Variants in TCF4 observed in about 807,000 individuals in gnomAD.
The protein encoded by TCF4 is transcription factor 4, also known as SL3-3 enhancer factor 2.
In TCF4, 3 loss-of-function variants were observed where a neutral mutation model predicts 82.1. That is an observed-to-expected ratio of 0.04 (90% CI 0.02 to 0.09). The LOEUF (loss-of-function observed/expected upper bound fraction) is 0.09, where lower values mean the gene tolerates loss of function less well. Ranked by LOEUF, TCF4 falls within the 10% of genes least tolerant of loss-of-function variation. The pLI is 1.00. For synonymous variants in TCF4, 276 were observed against 309.6 expected, an observed-to-expected ratio of 0.89 and a Z score of 1.14; for missense variants, 518 against 852.7, an observed-to-expected ratio of 0.61 and a Z score of 4.89.
chr18:55,408,837 A>G (rs931874301), intron 5 of TCF4, among the ~76,000 whole-genome samples: 5 of 152,020 alleles, frequency 3.3e-5, no homozygotes, highest in Non-Finnish European at 4.4e-5. Flanking sequence ...AAAAAAAAGT[A>G]TAAATAAACT....
intron 8 of TCF4, among the ~76,000 whole-genome samples, chr18:55,305,788 T>G (rs1203802247): frequency 6.6e-6 from 1 of 152,198 alleles, no homozygotes; most frequent in Non-Finnish European, 1.5e-5. Flanking sequence ...CAATGTGTAT[T>G]TTTAATCAAG....
At chr18:55,533,175 T>A (rs1448860056) in intron 3 of TCF4, among the ~76,000 whole-genome samples, 1 of 152,152 alleles carries the variant, frequency 6.6e-6, no homozygotes, top group Admixed American at 6.6e-5. Flanking sequence ...CACCCCTGAT[T>A]AAAGTCTGCC....
intron 3 of TCF4, among the ~76,000 whole-genome samples, chr18:55,542,850 A>G (rs1019419125): frequency 2.6e-5 from 4 of 152,112 alleles, no homozygotes; most frequent in East Asian, 1.9e-4. Context: ...TTTTAAATTT[A>G]CAGGCACAAT....
chr18:55,398,660 G>C (rs2093634283), intron 6 of TCF4, among the ~76,000 whole-genome samples: 1 of 152,158 alleles, frequency 6.6e-6, no homozygotes, highest in South Asian at 2.1e-4. Flanking sequence ...GCATGAAAAA[G>C]ATGCTCACAA....
At chr18:55,303,226 TACACACACACACAC>T (rs74180496) in intron 8 of TCF4, among the ~76,000 whole-genome samples, 15 of 136,072 alleles carry the variant, frequency 1.1e-4, no homozygotes, top group East Asian at 2.2e-4. Flanking sequence ...TCCCAGTACG[TACACACACACACAC>T]ACACACACAC....
chr18:55,340,583 C>CAAAAA (rs11428164), intron 8 of TCF4, among the ~76,000 whole-genome samples: 2 of 65,444 alleles, frequency 3.1e-5, no homozygotes, highest in African/African-American at 7.9e-5. Context: ...GACCCCATCT[C>CAAAAA]AAAAAAAAAA....
chr18:55,370,929 G>C (rs926702528), intron 6 of TCF4, among the ~76,000 whole-genome samples: 1 of 152,084 alleles, frequency 6.6e-6, no homozygotes, highest in Non-Finnish European at 1.5e-5. Flanking sequence ...TTTTGAGAAT[G>C]TTTTATACTA....
At chr18:55,371,415 T>C (rs571620023) in intron 6 of TCF4, among the ~76,000 whole-genome samples, 1 of 152,328 alleles carries the variant, frequency 6.6e-6, no homozygotes, top group Non-Finnish European at 1.5e-5. Context: ...CCTTCATTTG[T>C]GGACAGGAGA....
intron 8 of TCF4, among the ~76,000 whole-genome samples, chr18:55,337,688 T>G (rs1352976515): frequency 6.6e-6 from 1 of 152,136 alleles, no homozygotes; most frequent in African/African-American, 2.4e-5. Context: ...TGGTGATAAT[T>G]TAAAAATATC....
chr18:55,521,112 T>G (rs1463760106), intron 3 of TCF4, among the ~76,000 whole-genome samples: 1 of 152,140 alleles, frequency 6.6e-6, no homozygotes, highest in Non-Finnish European at 1.5e-5. Flanking sequence ...GGAAGCGAGT[T>G]TATTTGGAAA....
chr18:55,286,961 A>G (rs1284039475), intron 8 of TCF4, among the ~76,000 whole-genome samples: 1 of 152,230 alleles, frequency 6.6e-6, no homozygotes, highest in Non-Finnish European at 1.5e-5. Context: ...TGACACTTTT[A>G]TTCTATCTAA....
At chr18:55,529,375 T>C (rs992307513) in intron 3 of TCF4, among the ~76,000 whole-genome samples, 2 of 152,208 alleles carry the variant, frequency 1.3e-5, no homozygotes, top group African/African-American at 4.8e-5. Flanking sequence ...ATTTCTACTA[T>C]GATATTTCAT....
At chr18:55,629,327 TC>T (rs1232484802) in intron 2 of TCF4, among the ~76,000 whole-genome samples, 2 of 152,292 alleles carry the variant, frequency 1.3e-5, no homozygotes, top group African/African-American at 4.8e-5. Flanking sequence ...CTATTATGCC[TC>T]CTGGATATAC....
chr18:55,246,451 T>C (rs1431660322), intron 15 of TCF4, among the ~76,000 whole-genome samples: 1 of 152,090 alleles, frequency 6.6e-6, no homozygotes, highest in African/African-American at 2.4e-5. Flanking sequence ...TTGAGTAAAA[T>C]ATGTATTCAT....
At chr18:55,589,456 AT>A (rs1366097248), upstream of TCF4, 13 of 1,056,316 alleles carry the variant, frequency 1.2e-5, no homozygotes, top group African/African-American at 1.7e-4. Flanking sequence ...AGATTACAAG[AT>A]TATGCACCTG....
intron 5 of TCF4, among the ~76,000 whole-genome samples, chr18:55,430,245 TC>T (rs2095145386): frequency 6.6e-6 from 1 of 152,118 alleles, no homozygotes; most frequent in South Asian, 2.1e-4. Context: ...AGAGAATTTC[TC>T]CCTTCCAGTA....
At chr18:55,430,886 T>A (rs894751460) in intron 5 of TCF4, among the ~76,000 whole-genome samples, 4 of 152,184 alleles carry the variant, frequency 2.6e-5, no homozygotes, top group Non-Finnish European at 4.4e-5. Context: ...AACTTTCACA[T>A]CATCCCAGGA....
chr18:55,361,428 T>C lies in TCF4; in HGVS notation c.370-10425A>G, dbSNP rs531889141. Among the ~76,000 whole-genome samples the C allele has an allele frequency of 2.6e-5, 4 of 152,326 alleles. No individual in the cohort carries two copies. The East Asian group carries it at 7.7e-4, about 29-fold the overall frequency. ...TCTTCCCTTCCCTGCAGCCTACCTATAGTCAGAGTCACATGGAATTGCTCA... is the reference window on the plus strand; with the variant it reads ...TCTTCCCTTCCCTGCAGCCTACCTACAGTCAGAGTCACATGGAATTGCTCA... On this transcript the variant is annotated intron_variant, in intron 6 of 19. Transcript: ENST00000354452.
intron 3 of TCF4, among the ~76,000 whole-genome samples, chr18:55,508,678 T>C (rs1288462431): frequency 6.6e-6 from 1 of 152,178 alleles, no homozygotes; most frequent in Non-Finnish European, 1.5e-5. Context: ...AATCCATGCT[T>C]TCCAGCCCAC....
Sources: gnomAD v4.1 joint callset for allele counts (sites outside exome capture counted in the v4.1 genomes callset) on GRCh38, gnomAD v4.1.1 for gene constraint, MANE v1.5 for transcripts, NCBI Gene and HGNC (gene_info 2026-07-23, HGNC 2026-07-21) for gene names.